ARFGEF1: variants seen among roughly 807,000 people sequenced by gnomAD.
The protein encoded by ARFGEF1 is brefeldin A-inhibited guanine nucleotide-exchange protein 1.
A neutral mutation model predicts 231.0 loss-of-function variants in ARFGEF1; 42 were observed. The ratio of observed to expected loss-of-function variants is 0.18; its 90% confidence interval spans 0.14 to 0.24. The LOEUF is 0.24. Among genes scored for constraint, ARFGEF1 ranks in the 10% least tolerant of loss-of-function variants. The pLI, the probability that ARFGEF1 is intolerant of heterozygous loss-of-function variation, is 1.00. For synonymous variants in ARFGEF1, 710 were observed against 732.3 expected (o/e 0.97, Z 0.49); for missense variants, 1,345 against 2,192.0 (o/e 0.61, Z 7.72).
chr8:67,329,300 C>G (rs1279390120), intron 1 of ARFGEF1, among the ~76,000 whole-genome samples: 1 of 151,902 alleles, frequency 6.6e-6, no homozygotes, highest in African/African-American at 2.4e-5. Flanking sequence ...CGCCTGTAAT[C>G]CCAGCACTTT....
chr8:67,325,065 C>A (rs1807771438), intron 1 of ARFGEF1, among the ~76,000 whole-genome samples: 1 of 152,044 alleles, frequency 6.6e-6, no homozygotes, highest in African/African-American at 2.4e-5. Flanking sequence ...AGGTATGCAC[C>A]ACCATGCCCG....
chr8:67,323,200 A>G (rs1807675606), intron 1 of ARFGEF1, among the ~76,000 whole-genome samples: 1 of 152,108 alleles, frequency 6.6e-6, no homozygotes, highest in Admixed American at 6.6e-5. Flanking sequence ...TGCAGTGAGC[A>G]GACATCGCGC....
intron 5 of ARFGEF1, among the ~76,000 whole-genome samples, chr8:67,183,836 A>G (rs1287309454): frequency 6.7e-6 from 1 of 149,948 alleles, no homozygotes; most frequent in Non-Finnish European, 1.5e-5. Context: ...TATGTAAAAA[A>G]TTGGGAATTT....
At chr8:67,341,016 G>C (rs1808601107) in intron 1 of ARFGEF1, among the ~76,000 whole-genome samples, 1 of 152,106 alleles carries the variant, frequency 6.6e-6, no homozygotes, top group South Asian at 2.1e-4. Flanking sequence ...TGGCACATTA[G>C]AGGAGATGTG....
chr8:67,261,723 C>T (rs926747108), intron 14 of ARFGEF1, among the ~76,000 whole-genome samples: 2 of 152,142 alleles, frequency 1.3e-5, no homozygotes, highest in Admixed American at 6.5e-5. Context: ...CCAGGTTGAT[C>T]TCAAACTCCT....
chr8:67,228,183 C>A lies in ARFGEF1; in HGVS notation c.3421+41G>T, dbSNP rs766671680. 1.9e-6 allele frequency: 3 copies of A among 1,607,786 alleles called. No individual in the cohort carries two copies. In the East Asian group the frequency reaches 6.7e-5, roughly 36 times the overall value. ...TAGCTCAACATTAAAGTTATTTTAG[C>A]CCCAAGCCAGTTCCGAAGTAGAATA... On this transcript the variant is annotated intron_variant, in intron 24 of 38. Coordinates refer to ENST00000262215, the MANE Select transcript of ARFGEF1 (RefSeq NM_006421.5).
chr8:67,220,625 G>C (rs1402192071), intron 29 of ARFGEF1, among the ~76,000 whole-genome samples: 2 of 152,116 alleles, frequency 1.3e-5, no homozygotes, highest in East Asian at 3.9e-4. Flanking sequence ...AGAAACTCCC[G>C]GGAAAGAAAG....
intron 1 of ARFGEF1, among the ~76,000 whole-genome samples, chr8:67,335,802 A>G (rs1173737012): frequency 6.6e-6 from 1 of 151,290 alleles, no homozygotes; most frequent in Non-Finnish European, 1.5e-5. Flanking sequence ...GCTGGAGTGC[A>G]GTAGCACAAT....
chr8:67,273,839 G>A (rs1031532998), intron 9 of ARFGEF1, among the ~76,000 whole-genome samples: 1 of 152,060 alleles, frequency 6.6e-6, no homozygotes, highest in African/African-American at 2.4e-5. Context: ...CTCCCCTCCT[G>A]TTCTAGTCTT....
chr8:67,279,798 G>C (rs1805461988), intron 7 of ARFGEF1, among the ~76,000 whole-genome samples: 1 of 152,186 alleles, frequency 6.6e-6, no homozygotes, highest in East Asian at 1.9e-4. Context: ...TTTGAGGGAA[G>C]AGTAAATGAA....
chr8:67,343,356 G>A lies in ARFGEF1; in HGVS notation c.-69C>T. 1.3e-6 allele frequency: 2 copies of A among 1,573,694 alleles called. No individual in the cohort carries two copies. The highest frequency in any genetic ancestry group is 8.6e-7 in the Non-Finnish European group (1 of 1,157,938). ...CAGCGGCTGGAGGGGAGGAGGAGGA[G>A]AGGAAGGAAGAGAAGAGAGAAAGGA... On this transcript the variant is annotated 5_prime_UTR_variant, in exon 1 of 39. Transcript: ENST00000262215.
chr8:67,316,390 T>C (rs780373505), intron 1 of ARFGEF1, among the ~76,000 whole-genome samples: 4 of 152,208 alleles, frequency 2.6e-5, no homozygotes, highest in South Asian at 2.1e-4. Context: ...TAGAAAATAT[T>C]AGGGGATAAA....
intron 10 of ARFGEF1, among the ~76,000 whole-genome samples, chr8:67,267,685 C>G (rs1424283772): frequency 6.6e-6 from 1 of 152,108 alleles, no homozygotes; most frequent in Non-Finnish European, 1.5e-5. Context: ...AACACAGCTG[C>G]TACAAAAGAA....
At chr8:67,195,298 T>A (rs756672957), downstream of ARFGEF1, 2 of 838,088 alleles carry the variant, frequency 2.4e-6, no homozygotes, top group East Asian at 4.8e-5. Flanking sequence ...TGAGTTGTAA[T>A]GAGTTGGACT....
intron 34 of ARFGEF1, among the ~76,000 whole-genome samples, chr8:67,209,192 G>A (rs1231892352): frequency 2.6e-5 from 4 of 152,200 alleles, no homozygotes; most frequent in African/African-American, 7.2e-5. Context: ...AAATACAAAC[G>A]TCCATCATCA....
In ARFGEF1 at chr8:67,222,235, G is replaced by GTA. The variant is rs1563846603; in HGVS notation, c.4208+2666_4208+2667dup. 4.3e-3 allele frequency among the ~76,000 whole-genome samples: 540 copies of GTA among 126,026 alleles called. 4 individuals carry two copies. Among genetic ancestry groups the GTA allele is most frequent in the Middle Eastern group, 0.012 (3 of 244 alleles). The allele number at this position is 126,026 out of a possible 152,430, so 82.7% of individuals were successfully genotyped here. ...CACATATATATATATGTATATGTATGTATGTATGTATGTATGTATGTATGT... is the reference window on the plus strand; with the variant it reads ...CACATATATATATATGTATATGTATGTATATGTATGTATGTATGTATGTATGT... On this transcript the variant is annotated intron_variant, in intron 29 of 38. Transcript: ENST00000262215.
At chr8:67,339,496 G>A (rs1448003706) in intron 1 of ARFGEF1, among the ~76,000 whole-genome samples, 1 of 151,990 alleles carries the variant, frequency 6.6e-6, no homozygotes, top group Non-Finnish European at 1.5e-5. Flanking sequence ...ACTGGAATAA[G>A]TCCCAACTGC....
At chr8:67,273,382 AC>A in intron 9 of ARFGEF1, among the ~76,000 whole-genome samples, 1 of 141,682 alleles carries the variant, frequency 7.1e-6, no homozygotes, top group Non-Finnish European at 1.5e-5. Context: ...TGCGGAACAC[AC>A]CAAAATGCTC....
chr8:67,298,459 A>C (rs1806335847), intron 4 of ARFGEF1, among the ~76,000 whole-genome samples: 1 of 152,152 alleles, frequency 6.6e-6, no homozygotes, highest in South Asian at 2.1e-4. Context: ...ATATCAGGAG[A>C]ATTGGCGGAT....
Sources: allele counts gnomAD v4.1 joint callset (sites outside exome capture counted in the v4.1 genomes callset), GRCh38; gene constraint gnomAD v4.1.1; transcripts MANE v1.5; gene names NCBI Gene and HGNC (gene_info 2026-07-23, HGNC 2026-07-21).